The following PHACTR1 variants were observed in gnomAD, a reference collection of about 807,000 sequenced individuals.
The protein encoded by PHACTR1 is phosphatase and actin regulator 1.
Under a neutral mutation model 69.2 loss-of-function variants are expected in PHACTR1, and 16 were observed. The observed-to-expected ratio is 0.23, with a 90% CI of 0.16 to 0.35. The LOEUF is 0.35. Ranked by LOEUF, PHACTR1 falls within the 10% of genes least tolerant of loss-of-function variation. The probability of loss-of-function intolerance (pLI) is 1.00; values close to 1 mark genes in which losing one functional copy is unlikely to be tolerated. For missense variants in PHACTR1, 510 were observed against 734.7 expected (o/e 0.69, Z 3.54); for synonymous variants, 312 against 284.5 (o/e 1.10, Z -0.97).
At chr6:12,816,408 T>C (rs946977053) in intron 4 of PHACTR1, among the ~76,000 whole-genome samples, 1 of 152,182 alleles carries the variant, frequency 6.6e-6, no homozygotes, top group Non-Finnish European at 1.5e-5. Context: ...ACTCTGTGGG[T>C]GTGTATCTAG....
chr6:12,762,171 G>A (rs997704450), intron 4 of PHACTR1, among the ~76,000 whole-genome samples: 1 of 152,174 alleles, frequency 6.6e-6, no homozygotes, highest in Admixed American at 6.5e-5. Flanking sequence ...AAAGGCAGAA[G>A]CAAATTTATG....
chr6:12,932,025 C>T (rs1788927831), intron 4 of PHACTR1, among the ~76,000 whole-genome samples: 3 of 151,986 alleles, frequency 2.0e-5, no homozygotes, highest in African/African-American at 2.4e-5. Flanking sequence ...CTCAGGCCCA[C>T]CCAAGACCTA....
intron 4 of PHACTR1, among the ~76,000 whole-genome samples, chr6:12,817,119 C>A (rs368589405): frequency 1.3e-5 from 2 of 152,220 alleles, no homozygotes; most frequent in East Asian, 3.9e-4. Flanking sequence ...GGATTAGGAT[C>A]ATACTTGTGA....
chr6:13,191,203 A>T (rs1763538217), intron 7 of PHACTR1, among the ~76,000 whole-genome samples: 1 of 152,236 alleles, frequency 6.6e-6, no homozygotes, highest in South Asian at 2.1e-4. Flanking sequence ...ACCAAAGATT[A>T]GACCACTGTG....
At chr6:12,884,696 C>T (rs910259171) in intron 4 of PHACTR1, among the ~76,000 whole-genome samples, 2 of 152,274 alleles carry the variant, frequency 1.3e-5, no homozygotes, top group Middle Eastern at 3.4e-3. Flanking sequence ...CCACCGCGCC[C>T]GGCCTTTGGA....
chr6:13,138,504 A>G (rs1821905964), intron 5 of PHACTR1, among the ~76,000 whole-genome samples: 1 of 152,246 alleles, frequency 6.6e-6, no homozygotes, highest in Non-Finnish European at 1.5e-5. Context: ...TCCTAGGGAC[A>G]TGGCTTTGAG....
chr6:13,130,764 T>C (rs1285095956), intron 5 of PHACTR1, among the ~76,000 whole-genome samples: 3 of 152,192 alleles, frequency 2.0e-5, no homozygotes, highest in African/African-American at 7.2e-5. Flanking sequence ...CTGAAACTAT[T>C]CCAAAAGATA....
chr6:12,961,921 T>G (rs539848253), intron 4 of PHACTR1, among the ~76,000 whole-genome samples: 42 of 152,108 alleles, frequency 2.8e-4, no homozygotes, highest in African/African-American at 8.9e-4. Flanking sequence ...TCCTTCTCTT[T>G]TTTTGTTGTT....
intron 5 of PHACTR1, among the ~76,000 whole-genome samples, chr6:13,121,404 T>G (rs562251775): frequency 1.3e-5 from 2 of 152,308 alleles, no homozygotes; most frequent in South Asian, 4.1e-4. Flanking sequence ...AATGGTAATA[T>G]AGTACTTCCT....
At chr6:12,917,004 T>C (rs1385079205) in intron 4 of PHACTR1, among the ~76,000 whole-genome samples, 1 of 152,214 alleles carries the variant, frequency 6.6e-6, no homozygotes, top group African/African-American at 2.4e-5. Flanking sequence ...TCCAAACGAC[T>C]TCTAGTTGAA....
intron 4 of PHACTR1, among the ~76,000 whole-genome samples, chr6:12,984,333 T>C (rs2127596675): frequency 6.6e-6 from 1 of 152,304 alleles, no homozygotes; most frequent in East Asian, 1.9e-4. Context: ...GCCTTTTTTG[T>C]TGTTGTTGTT....
chr6:12,933,925 G>C, intron 4 of PHACTR1: 1 of 1,607,756 alleles, frequency 6.2e-7, no homozygotes, highest in Non-Finnish European at 8.5e-7. Flanking sequence ...ATATGGGAAG[G>C]GAAAATGCGG....
chr6:12,740,623 T>C (rs541888050), intron 3 of PHACTR1, among the ~76,000 whole-genome samples: 156 of 152,314 alleles, frequency 1.0e-3, no homozygotes, highest in Non-Finnish European at 1.9e-3. Flanking sequence ...GGAGATCTTT[T>C]ACATATTCTG....
chr6:12,777,148 C>G (rs1428069053), intron 4 of PHACTR1, among the ~76,000 whole-genome samples: 1 of 151,868 alleles, frequency 6.6e-6, no homozygotes. Flanking sequence ...GTACTTTATT[C>G]AATACATCAG....
intron 5 of PHACTR1, among the ~76,000 whole-genome samples, chr6:13,137,672 A>T (rs1167770168): frequency 6.6e-6 from 1 of 152,214 alleles, no homozygotes; most frequent in Non-Finnish European, 1.5e-5. Flanking sequence ...TGACCCATGC[A>T]TTTGTGCGCT....
chr6:13,010,668 G>A (rs556719691), intron 4 of PHACTR1, among the ~76,000 whole-genome samples: 10 of 152,240 alleles, frequency 6.6e-5, no homozygotes, highest in South Asian at 2.1e-4. Flanking sequence ...CATATTTTAC[G>A]TAGTGGGGTC....
At chr6:13,070,677 A>C (rs558922412) in intron 5 of PHACTR1, among the ~76,000 whole-genome samples, 3 of 152,332 alleles carry the variant, frequency 2.0e-5, no homozygotes, top group African/African-American at 7.2e-5. Flanking sequence ...TTTTAAACAT[A>C]CTTGAATTCA....
chr6:12,838,669 T>C (rs1778401599), intron 4 of PHACTR1, among the ~76,000 whole-genome samples: 1 of 152,208 alleles, frequency 6.6e-6, no homozygotes, highest in Non-Finnish European at 1.5e-5. Context: ...TGATTGCAAC[T>C]CTAAATCAAT....
intron 5 of PHACTR1, among the ~76,000 whole-genome samples, chr6:13,054,915 C>T (rs532311194): frequency 7.9e-5 from 12 of 152,176 alleles, no homozygotes; most frequent in African/African-American, 2.7e-4. Flanking sequence ...CCTGCCTTCT[C>T]GCCTGCTCAG....
Sources: allele counts gnomAD v4.1 joint callset (sites outside exome capture counted in the v4.1 genomes callset), GRCh38; gene constraint gnomAD v4.1.1; transcripts MANE v1.5; gene names NCBI Gene and HGNC (gene_info 2026-07-23, HGNC 2026-07-21).